CTPS2: variants seen among roughly 807,000 people sequenced by gnomAD.
CTPS2 encodes the protein CTP synthase 2.
CTPS2 carries 19 observed loss-of-function variants against 46.8 expected under a neutral mutation model. That is an observed-to-expected ratio of 0.41 (90% CI 0.28 to 0.60). The LOEUF (loss-of-function observed/expected upper bound fraction) is 0.60. Ranked by LOEUF, CTPS2 falls within the 20% of genes least tolerant of loss-of-function variation. The pLI is 0.35. For synonymous variants in CTPS2, 151 were observed against 165.2 expected (o/e 0.91, Z 0.66); for missense variants, 286 against 447.6 (o/e 0.64, Z 3.26).
intron 10 of CTPS2, among the ~76,000 whole-genome samples, chrX:16,674,115 AT>A (rs61591845): frequency 7.2e-4 from 71 of 98,912 alleles, no homozygotes; most frequent in Admixed American, 1.2e-3. Context: ...GAAAATGTGG[AT>A]TTTTTTTTTT....
intron 10 of CTPS2, among the ~76,000 whole-genome samples, chrX:16,676,984 G>T (rs1922329249): frequency 9.3e-6 from 1 of 107,431 alleles, no homozygotes; most frequent in Non-Finnish European, 1.9e-5. Context: ...GCTTGAACCT[G>T]GGAGGCGGAG....
At chrX:16,590,169 T>C (rs1928813886) in intron 18 of CTPS2, among the ~76,000 whole-genome samples, 1 of 112,794 alleles carries the variant, frequency 8.9e-6, no homozygotes, top group African/African-American at 3.2e-5. Flanking sequence ...AGCCTGTCTC[T>C]TGCATCTCCC....
intron 17 of CTPS2, among the ~76,000 whole-genome samples, chrX:16,608,136 C>A (rs772032209): frequency 9.0e-6 from 1 of 111,291 alleles, no homozygotes; most frequent in South Asian, 3.8e-4. Flanking sequence ...TCTCTTGAAC[C>A]TGGGAGGTGG....
At chrX:16,641,809 C>T (rs959390780) in intron 13 of CTPS2, among the ~76,000 whole-genome samples, 1 of 112,077 alleles carries the variant, frequency 8.9e-6, no homozygotes, top group South Asian at 3.7e-4. Flanking sequence ...ACTTGACAAA[C>T]ACTTGAAGAC....
rs1928723269 is a variant in CTPS2, at chrX:16,588,381, A to C, written c.*1436T>G. The C allele has an allele frequency of 8.9e-6, 1 of 112,228 alleles. No individual in the cohort carries two copies. The highest frequency in any genetic ancestry group is 3.2e-5 in the African/African-American group (1 of 30,857). 9.2% of individuals were successfully genotyped at this position (112,228 alleles called of 1,213,427 possible). On this transcript the variant is annotated 3_prime_UTR_variant, in exon 19 of 19. Transcript: ENST00000359276. ...GGCCAGTTCCTGGAATTGTTTAAGTAAAAGACATGGTTAAGCATTATGAGA... is the reference window on the plus strand; with the variant it reads ...GGCCAGTTCCTGGAATTGTTTAAGTCAAAGACATGGTTAAGCATTATGAGA...
intron 14 of CTPS2, among the ~76,000 whole-genome samples, chrX:16,625,219 G>A (rs1931062054): frequency 8.9e-6 from 1 of 112,705 alleles, no homozygotes; most frequent in African/African-American, 3.2e-5. Context: ...CGAAAGGAAG[G>A]AAATCCTGTC....
Position 16,621,283 on chromosome X carries a change from TCA to T in CTPS2, c.1394-953_1394-952del, listed in dbSNP as rs1301252770. Among the ~76,000 whole-genome samples the T allele has an allele frequency of 4.5e-4, 33 of 72,616 alleles. No homozygotes were observed. The Admixed American group carries it at 6.6e-3, about 14-fold the overall frequency. The allele number at this position is 72,616 out of a possible 115,157, so 63.1% of individuals were successfully genotyped here. On this transcript the variant is annotated intron_variant, in intron 14 of 18. Coordinates refer to ENST00000359276, the MANE Select transcript of CTPS2 (RefSeq NM_175859.3). ...CTCAAGAATGCTCCCATTGGGAACA[TCA>T]CACACCGGGGCTTGTCGGGGGGTAG... is the stretch of plus-strand genomic sequence containing the variant.
At chrX:16,687,430 G>A (rs1923299964) in intron 8 of CTPS2, among the ~76,000 whole-genome samples, 1 of 92,671 alleles carries the variant, frequency 1.1e-5, no homozygotes, top group South Asian at 5.3e-4. Flanking sequence ...AGCTGAGATT[G>A]CACCACTGCA....
At position 16,628,404 on chromosome X, in the gene CTPS2, C is replaced by T. The variant is rs182375369; in HGVS notation, c.1394-8072G>A. On this transcript the variant is annotated intron_variant, in intron 14 of 18. Transcript: ENST00000359276. The stretch of plus-strand genomic sequence containing the variant: ...TTTTTAAAACGGAGTCTCACTCTGT[C>T]GCCCAGGCTGGAGTGCAGTGGTGTG... Among the ~76,000 whole-genome samples, 679 of 111,001 alleles carry T rather than the reference C, an allele frequency of 6.1e-3. 8 individuals are homozygous for T. The highest frequency in any genetic ancestry group is 0.02 in the African/African-American group (598 of 30,518).
chrX:16,597,959 G>A (rs1451896697), intron 17 of CTPS2, among the ~76,000 whole-genome samples: 1 of 107,770 alleles, frequency 9.3e-6, no homozygotes, highest in Non-Finnish European at 1.9e-5. Context: ...TGAAGCAATT[G>A]TGAATGGGAG....
intron 10 of CTPS2, among the ~76,000 whole-genome samples, chrX:16,673,085 A>C (rs1485716255): frequency 9.4e-6 from 1 of 105,913 alleles, no homozygotes; most frequent in Non-Finnish European, 1.9e-5. Flanking sequence ...ACGGGGTTTC[A>C]CCGTTTTAGC....
At chrX:16,686,812 G>C (rs1203840378) in intron 8 of CTPS2, among the ~76,000 whole-genome samples, 1 of 111,359 alleles carries the variant, frequency 9.0e-6, no homozygotes, top group African/African-American at 3.3e-5. Flanking sequence ...GCTGAGGCAG[G>C]AGGATCACTT....
At chrX:16,629,463 C>T (rs1440550824) in intron 14 of CTPS2, among the ~76,000 whole-genome samples, 3 of 110,699 alleles carry the variant, frequency 2.7e-5, no homozygotes, top group Non-Finnish European at 5.7e-5. Context: ...GGCATGGACT[C>T]AGGGTCCCTA....
At chrX:16,663,654 A>C (rs914963862) in intron 13 of CTPS2, among the ~76,000 whole-genome samples, 1 of 110,738 alleles carries the variant, frequency 9.0e-6, no homozygotes, top group African/African-American at 3.3e-5. Flanking sequence ...ACACCTGTGA[A>C]TATCCAGCCT....
rs532029039 is a variant in CTPS2, at chrX:16,657,937, G to T, written c.1296+9577C>A. ...AAATAGAAAGGTGGCCGGGCGCAGT[G>T]GCTCACGCCTGTAATCCCACCACTT... On this transcript the variant is annotated intron_variant, in intron 13 of 18. Transcript: ENST00000359276. Among the ~76,000 whole-genome samples the T allele has an allele frequency of 1.7e-4, 19 of 111,957 alleles. 1 individual carries two copies. The South Asian group carries it at 7.2e-3, about 42-fold the overall frequency.
intron 10 of CTPS2, among the ~76,000 whole-genome samples, chrX:16,677,791 T>A (rs1922401463): frequency 9.0e-6 from 1 of 111,643 alleles, no homozygotes; most frequent in South Asian, 3.8e-4. Context: ...ACCAGTGCCA[T>A]GACAGTTTAC....
intron 13 of CTPS2, among the ~76,000 whole-genome samples, chrX:16,661,914 C>T (rs750372588): frequency 9.2e-6 from 1 of 109,196 alleles, no homozygotes; most frequent in South Asian, 4.0e-4. Context: ...TTTTTAGTTA[C>T]CTTTTTCAAC....
chrX:16,657,498 C>T (rs1033354263), intron 13 of CTPS2, among the ~76,000 whole-genome samples: 1 of 110,709 alleles, frequency 9.0e-6, no homozygotes. Context: ...AGGCAAGGTG[C>T]TTGAAATTTC....
chrX:16,689,400 C>T (rs747402714), intron 8 of CTPS2, 50 bp downstream of exon 8: 7 of 1,168,459 alleles, frequency 6.0e-6, no homozygotes, highest in Admixed American at 4.6e-5. Flanking sequence ...TAGTTCTACC[C>T]CCAAACTCAA....
Sources: allele counts gnomAD v4.1 joint callset (sites outside exome capture counted in the v4.1 genomes callset), GRCh38; gene constraint gnomAD v4.1.1; transcripts MANE v1.5; gene names NCBI Gene and HGNC (gene_info 2026-07-23, HGNC 2026-07-21).